IL15: variants seen among roughly 807,000 people sequenced by gnomAD.
The protein encoded by IL15 is interleukin 15.
IL15 carries 11 observed loss-of-function variants against 19.6 expected under a neutral mutation model. The ratio of observed to expected loss-of-function variants is 0.56; its 90% CI spans 0.35 to 0.93. The LOEUF (loss-of-function observed/expected upper bound fraction) is 0.93. IL15 is among the 40% of genes least tolerant of loss of function. The pLI is 0.01. For missense variants in IL15, 197 were observed against 186.5 expected, an observed-to-expected ratio of 1.06 and a Z score of -0.33; for synonymous variants, 58 against 59.6, an observed-to-expected ratio of 0.97 and a Z score of 0.12.
At chr4:141,686,430 G>A (rs756863036) in intron 2 of IL15, among the ~76,000 whole-genome samples, 7 of 152,000 alleles carry the variant, frequency 4.6e-5, no homozygotes, top group East Asian at 1.9e-4. Context: ...TTTCATTATC[G>A]TCCAGAATTT....
intron 2 of IL15, among the ~76,000 whole-genome samples, chr4:141,704,981 C>T (rs925203156): frequency 2.6e-5 from 4 of 151,078 alleles, no homozygotes; most frequent in Non-Finnish European, 5.9e-5. Context: ...TGTTTTTTAC[C>T]ATAGGTAAAG....
chr4:141,729,227 T>TA (rs1730370190), intron 6 of IL15, among the ~76,000 whole-genome samples: 1 of 152,150 alleles, frequency 6.6e-6, no homozygotes, highest in African/African-American at 2.4e-5. Context: ...CAAAGTCAAA[T>TA]AATGGTCAAA....
chr4:141,678,374 G>A (rs959266242), intron 2 of IL15, among the ~76,000 whole-genome samples: 3 of 151,916 alleles, frequency 2.0e-5, no homozygotes, highest in Non-Finnish European at 4.4e-5. Flanking sequence ...TTGGAAATTC[G>A]TAGTCATATT....
intron 6 of IL15, among the ~76,000 whole-genome samples, chr4:141,728,826 G>A (rs969464360): frequency 2.0e-5 from 3 of 152,046 alleles, no homozygotes; most frequent in African/African-American, 7.2e-5. Flanking sequence ...GTTTTTCTTT[G>A]CATTTTTTGT....
chr4:141,653,155 G>A (rs1376870369), intron 1 of IL15, among the ~76,000 whole-genome samples: 3 of 152,056 alleles, frequency 2.0e-5, no homozygotes, highest in Admixed American at 1.3e-4. Context: ...GTAACAATTG[G>A]CTGATTTTTA....
At chr4:141,666,115 T>TA (rs1560908805) in intron 2 of IL15, among the ~76,000 whole-genome samples, 18 of 150,148 alleles carry the variant, frequency 1.2e-4, no homozygotes, top group East Asian at 2.0e-4. Context: ...TTTATTTATT[T>TA]TTTGAGACGG....
Position 141,720,532 on chromosome 4 carries a change from C to T in IL15, c.76C>T (p.Leu26=), listed in dbSNP as rs1730039276. The T allele has an allele frequency of 6.3e-7, 1 of 1,591,572 alleles. No homozygotes were observed. The highest frequency in any genetic ancestry group is 8.6e-7 in the Non-Finnish European group (1 of 1,159,920). The change falls in exon 4 of 8, where the codon CTA becomes TTA. Residue 26 remains leucine, a synonymous_variant. Coordinates refer to ENST00000320650, the MANE Select transcript of IL15 (RefSeq NM_000585.5). ...YLCLLLNSHF[L]TEAGIHVFIL... ...GTGTTTACTTCTAAACAGTCATTTT[C>T]TAACTGAAGCTGGCATTCATGTCTT...
In IL15 at chr4:141,656,304, T is replaced by A. The variant is rs994252313; in HGVS notation, c.-103T>A. The stretch of plus-strand genomic sequence containing the variant: ...TAGCAGATAGCCAGCCCATACAAGA[T>A]CGTGTAAGTAAAGTTTTAAAAGTTT... On this transcript the variant is annotated 5_prime_UTR_variant, in exon 2 of 8. Transcript: ENST00000320650. The A allele has an allele frequency of 5.0e-6, 2 of 398,048 alleles. No homozygotes were observed. Among genetic ancestry groups the A allele is most frequent in the Non-Finnish European group, 8.9e-6 (2 of 225,872 alleles). The allele number at this position is 398,048 out of a possible 1,614,324, so 24.7% of individuals were successfully genotyped here.
At chr4:141,707,443 T>C (rs1476818603) in intron 2 of IL15, among the ~76,000 whole-genome samples, 1 of 152,144 alleles carries the variant, frequency 6.6e-6, no homozygotes, top group Non-Finnish European at 1.5e-5. Flanking sequence ...CCTTTGGGGG[T>C]ATCATGTTTT....
At chr4:141,709,091 GAAA>G (rs1729626326) in intron 2 of IL15, among the ~76,000 whole-genome samples, 2 of 123,366 alleles carry the variant, frequency 1.6e-5, no homozygotes, top group South Asian at 5.2e-4. Context: ...TTTCAATATT[GAAA>G]AATTTCAATA....
intron 1 of IL15, among the ~76,000 whole-genome samples, chr4:141,646,933 A>G (rs1486273771): frequency 1.3e-5 from 2 of 152,102 alleles, no homozygotes; most frequent in African/African-American, 4.8e-5. Flanking sequence ...GTCTCTCAAC[A>G]AATATTTGCT....
intron 2 of IL15, among the ~76,000 whole-genome samples, chr4:141,707,370 TA>T (rs1310957082): frequency 6.6e-6 from 1 of 152,204 alleles, no homozygotes; most frequent in Non-Finnish European, 1.5e-5. Context: ...AATTTTTAAT[TA>T]TTTTTTAGGC....
chr4:141,654,314 G>A (rs1446373737), intron 1 of IL15, among the ~76,000 whole-genome samples: 1 of 152,230 alleles, frequency 6.6e-6, no homozygotes, highest in East Asian at 1.9e-4. Context: ...ATTCCTGGAA[G>A]GGAGAGCTTT....
At chr4:141,639,024 A>T (rs1045251867) in intron 1 of IL15, among the ~76,000 whole-genome samples, 2 of 152,226 alleles carry the variant, frequency 1.3e-5, no homozygotes, top group African/African-American at 4.8e-5. Flanking sequence ...TTAAGTTATG[A>T]GAAACAGTAT....
At chr4:141,707,147 T>A (rs1327507553) in intron 2 of IL15, among the ~76,000 whole-genome samples, 1 of 152,174 alleles carries the variant, frequency 6.6e-6, no homozygotes, top group Non-Finnish European at 1.5e-5. Context: ...TTCAAACGCC[T>A]GTTTTCTAGT....
At chr4:141,644,779 TA>T (rs1360785923) in intron 1 of IL15, among the ~76,000 whole-genome samples, 4 of 152,040 alleles carry the variant, frequency 2.6e-5, no homozygotes, top group African/African-American at 9.7e-5. Context: ...ACAATTGCTT[TA>T]AAAAAATACC....
At chr4:141,645,365 G>T (rs182331292) in intron 1 of IL15, among the ~76,000 whole-genome samples, 178 of 152,224 alleles carry the variant, frequency 1.2e-3, no homozygotes, top group Non-Finnish European at 1.8e-3. Flanking sequence ...CACCTGATTT[G>T]ATCTCCAACC....
intron 1 of IL15, among the ~76,000 whole-genome samples, chr4:141,650,205 A>C (rs1300559787): frequency 6.6e-6 from 1 of 152,048 alleles, no homozygotes; most frequent in African/African-American, 2.4e-5. Context: ...GTCACAGAAA[A>C]TTGTAACTAG....
At chr4:141,694,921 T>C (rs1014963307) in intron 2 of IL15, among the ~76,000 whole-genome samples, 2 of 152,188 alleles carry the variant, frequency 1.3e-5, no homozygotes, top group African/African-American at 4.8e-5. Flanking sequence ...TCAAATGTAA[T>C]ATCTAATTAA....
Sources: gnomAD v4.1 joint callset for allele counts (sites outside exome capture counted in the v4.1 genomes callset) on GRCh38, gnomAD v4.1.1 for gene constraint, MANE v1.5 for transcripts, NCBI Gene and HGNC (gene_info 2026-07-23, HGNC 2026-07-21) for gene names.